The following VAMP7 variants were observed in gnomAD, a reference collection of about 807,000 sequenced individuals.
VAMP7 encodes the protein vesicle-associated membrane protein 7.
In VAMP7, 14 loss-of-function variants were observed where a neutral mutation model predicts 29.6. The ratio of observed to expected loss-of-function variants is 0.47; its 90% CI spans 0.31 to 0.74. The LOEUF is 0.74. VAMP7 is among the 30% of genes least tolerant of loss of function. The pLI, the probability that VAMP7 is intolerant of heterozygous loss-of-function variation, is 0.05. For missense variants in VAMP7, 223 were observed against 262.4 expected (o/e 0.85, Z 1.04); for synonymous variants, 95 against 88.1 (o/e 1.08, Z -0.44).
intron 6 of VAMP7, among the ~76,000 whole-genome samples, chrX:155,935,387 C>G (rs181953617): frequency 6.6e-6 from 1 of 152,164 alleles, no homozygotes; most frequent in African/African-American, 2.4e-5. Flanking sequence ...TTCTTGGAGG[C>G]TTTTTTCGTT....
At chrX:155,911,327 A>G (rs2066234266) in intron 5 of VAMP7, among the ~76,000 whole-genome samples, 1 of 152,072 alleles carries the variant, frequency 6.6e-6, no homozygotes, top group African/African-American at 2.4e-5. Context: ...TTTATACCAA[A>G]CCATGCTGTT....
intron 5 of VAMP7, among the ~76,000 whole-genome samples, chrX:155,909,270 C>G (rs1326936978): frequency 1.3e-5 from 2 of 152,114 alleles, no homozygotes; most frequent in Non-Finnish European, 2.9e-5. Context: ...TTACACACTC[C>G]TGTTTATAGA....
chrX:155,917,051 A>G (rs1378450847), intron 5 of VAMP7, among the ~76,000 whole-genome samples: 1 of 151,900 alleles, frequency 6.6e-6, no homozygotes, highest in Non-Finnish European at 1.5e-5. Flanking sequence ...GCCTTTGTTC[A>G]TTCCTTTTCA....
intron 5 of VAMP7, among the ~76,000 whole-genome samples, chrX:155,912,204 A>AT (rs199534191): frequency 6.6e-6 from 1 of 151,684 alleles, no homozygotes; most frequent in African/African-American, 2.4e-5. Flanking sequence ...GAGATGTTGA[A>AT]TTTTTTTTGA....
At chrX:155,920,145 G>T (rs1330759895) in intron 6 of VAMP7, among the ~76,000 whole-genome samples, 1 of 152,110 alleles carries the variant, frequency 6.6e-6, no homozygotes, top group Non-Finnish European at 1.5e-5. Context: ...TTGGATTGAG[G>T]CCTATATAAT....
chrX:155,928,545 C>G (rs1330143998), intron 6 of VAMP7, among the ~76,000 whole-genome samples: 1 of 152,076 alleles, frequency 6.6e-6, no homozygotes, highest in African/African-American at 2.4e-5. Context: ...TTCACATTAC[C>G]TTCTCCTTTG....
At position 155,898,104 on chromosome X, in the gene VAMP7, CTT is replaced by C. The variant is rs1426484228; in HGVS notation, c.205-5_205-4del. The C allele has an allele frequency of 6.2e-7, 1 of 1,612,442 alleles. No individual in the cohort carries two copies. The highest frequency in any genetic ancestry group is 2.2e-5 in the East Asian group (1 of 44,840). Reference sequence around the variant, plus strand: ...CTAAATGTGAGTTCTGTGTTGATCTCTTTTCAGGATTTTGAACGTTCCCGAGC... The same window carrying C: ...CTAAATGTGAGTTCTGTGTTGATCTCTTCAGGATTTTGAACGTTCCCGAGC... On this transcript the variant is annotated splice_polypyrimidine_tract_variant and splice_region_variant and intron_variant, in intron 3 of 7. Coordinates refer to ENST00000286448, the MANE Select transcript of VAMP7 (RefSeq NM_005638.6).
intron 2 of VAMP7, among the ~76,000 whole-genome samples, chrX:155,891,546 A>G (rs1472245267): frequency 1.3e-5 from 2 of 152,242 alleles, no homozygotes; most frequent in Non-Finnish European, 2.9e-5. Context: ...GAAAAGGATC[A>G]TCACAGTGAG....
chrX:155,926,740 G>A (rs763358735), intron 6 of VAMP7, among the ~76,000 whole-genome samples: 1 of 152,276 alleles, frequency 6.6e-6, no homozygotes, highest in East Asian at 1.9e-4. Context: ...CTCAGCTTTC[G>A]ACATGCCTTA....
intron 6 of VAMP7, among the ~76,000 whole-genome samples, chrX:155,926,832 C>G (rs2066473986): frequency 6.6e-6 from 1 of 151,994 alleles, no homozygotes; most frequent in Non-Finnish European, 1.5e-5. Flanking sequence ...ACATAGATGC[C>G]ATTGTAAGGT....
At chrX:155,935,368 G>A (rs957677125) in intron 6 of VAMP7, among the ~76,000 whole-genome samples, 1 of 151,914 alleles carries the variant, frequency 6.6e-6, no homozygotes, top group Non-Finnish European at 1.5e-5. Context: ...TTTTCACATA[G>A]TCCCATATTT....
chrX:155,932,671 C>A (rs1250284218), intron 6 of VAMP7, among the ~76,000 whole-genome samples: 1 of 152,110 alleles, frequency 6.6e-6, no homozygotes, highest in Non-Finnish European at 1.5e-5. Flanking sequence ...ATTTGATTTC[C>A]TCTTTTCATA....
chrX:155,924,756 G>A (rs1052204185), intron 6 of VAMP7, among the ~76,000 whole-genome samples: 1 of 152,194 alleles, frequency 6.6e-6, no homozygotes, highest in Non-Finnish European at 1.5e-5. Flanking sequence ...TAAGACAACA[G>A]TGAAGTTTAC....
At chrX:155,899,664 ATCTG>A (rs1194893787) in intron 4 of VAMP7, among the ~76,000 whole-genome samples, 2 of 151,990 alleles carry the variant, frequency 1.3e-5, no homozygotes, top group Non-Finnish European at 2.9e-5. Flanking sequence ...GGAAATGTTC[ATCTG>A]TGTAAAACTG....
At chrX:155,934,057 C>G (rs1389573432) in intron 6 of VAMP7, among the ~76,000 whole-genome samples, 1 of 152,178 alleles carries the variant, frequency 6.6e-6, no homozygotes, top group Non-Finnish European at 1.5e-5. Context: ...TCACTGTGGT[C>G]TGAGAGACAG....
rs61095155 is a variant in VAMP7 at position 155,904,376 on chromosome X, A to AAAC, written c.433+3790_433+3791insACA. On this transcript the variant is annotated intron_variant, in intron 5 of 7. Coordinates refer to ENST00000286448, the MANE Select transcript of VAMP7 (RefSeq NM_005638.6). The stretch of plus-strand genomic sequence containing the variant: ...TAATAATAATAAAATAAAATAAAAA[A>AAAC]AGCAAATTTAAAATGTGACAAGAAC... Among the ~76,000 whole-genome samples the AAAC allele has an allele frequency of 3.9e-3, 589 of 151,378 alleles. 3 individuals carry two copies. The highest frequency in any genetic ancestry group is 0.012 in the African/African-American group (496 of 41,238).
At chrX:155,891,432 C>G (rs1569433044) in intron 2 of VAMP7, among the ~76,000 whole-genome samples, 1 of 152,158 alleles carries the variant, frequency 6.6e-6, no homozygotes. Flanking sequence ...TCCTATCCAT[C>G]AGGCCCTGGT....
intron 5 of VAMP7, among the ~76,000 whole-genome samples, chrX:155,903,347 T>C (rs1433667216): frequency 3.3e-5 from 5 of 152,028 alleles, no homozygotes; most frequent in African/African-American, 1.2e-4. Flanking sequence ...AAGCCAAAAT[T>C]GACAAATGCG....
At chrX:155,931,380 C>A (rs1010724392) in intron 6 of VAMP7, among the ~76,000 whole-genome samples, 2 of 152,082 alleles carry the variant, frequency 1.3e-5, no homozygotes. Flanking sequence ...CTGTTGTTTC[C>A]TGACTTTTTA....
Sources: gnomAD v4.1 joint callset for allele counts (sites outside exome capture counted in the v4.1 genomes callset) on GRCh38, gnomAD v4.1.1 for gene constraint, MANE v1.5 for transcripts, NCBI Gene and HGNC (gene_info 2026-07-23, HGNC 2026-07-21) for gene names.